Variants in ARHGEF10 observed in about 807,000 individuals in gnomAD.
ARHGEF10 encodes Rho guanine nucleotide exchange factor 10.
Under a neutral mutation model 147.4 loss-of-function variants are expected in ARHGEF10, and 140 were observed. The observed-to-expected ratio is 0.95, with a 90% confidence interval of 0.83 to 1.09. ARHGEF10 has a LOEUF of 1.09. Among genes scored for constraint, ARHGEF10 ranks in the 50% least tolerant of loss-of-function variants. The pLI, the probability that ARHGEF10 is intolerant of heterozygous loss-of-function variation, is 0.00. For missense variants in ARHGEF10, 2,222 were observed against 1,752.7 expected, an observed-to-expected ratio of 1.27 and a Z score of -4.78; for synonymous variants, 902 against 695.8, an observed-to-expected ratio of 1.30 and a Z score of -4.67.
Position 1,928,588 on chromosome 8 carries a change from C to T in ARHGEF10, c.2859C>T (p.Pro953=), listed in dbSNP as rs146061245. 7 of 1,614,096 alleles carry T rather than the reference C, an allele frequency of 4.3e-6. No individual in the cohort carries two copies. The highest frequency in any genetic ancestry group is 1.3e-5 in the African/African-American group (1 of 74,936). ...GAGAGCCTGGGGCACCCCCGGACCCCGAGACCCCGGCCGTGAGAGCTTCTG... is the reference window on the plus strand; with the variant it reads ...GAGAGCCTGGGGCACCCCCGGACCCTGAGACCCCGGCCGTGAGAGCTTCTG... The part of the protein sequence containing the change: ...KRREPGAPPD[P]ETPAVRASDV... The change falls in exon 24 of 29, where the codon CCC becomes CCT. Residue 953 remains proline, a synonymous_variant. Transcript: ENST00000349830.
intron 5 of ARHGEF10, among the ~76,000 whole-genome samples, chr8:1,865,697 G>A (rs1563199243): frequency 6.7e-6 from 1 of 148,488 alleles, no homozygotes; most frequent in Non-Finnish European, 1.5e-5. Flanking sequence ...TCATCGTGGG[G>A]TGCTCTGCAC....
In ARHGEF10 at chr8:1,957,037, G is replaced by C. The variant is rs1367954624; in HGVS notation, c.3809G>C (p.Ser1270Thr). ...TCCCTGAGCTTGTCTCACGGCTCCA[G>C]CTCTCTAGAGCACAGATCAGAGGAC... The part of the protein sequence containing the change: ...SGSLSLSHGS[S>T]SLEHRSEDST... Residue 1270 changes from serine (S) to threonine (T), a missense_variant, in exon 29 of 29, where the codon AGC becomes ACC. By Grantham distance (58) the Ser-to-Thr change is moderately conservative (BLOSUM62 1). Transcript: ENST00000349830. 5.0e-6 allele frequency: 8 copies of C among 1,613,924 alleles called. No homozygotes were observed. The highest frequency in any genetic ancestry group is 5.9e-6 in the Non-Finnish European group (7 of 1,180,038).
At chr8:1,839,087 GCTGT>G (rs1331680629) in intron 1 of ARHGEF10, among the ~76,000 whole-genome samples, 2 of 151,370 alleles carry the variant, frequency 1.3e-5, no homozygotes, top group Non-Finnish European at 2.9e-5. Context: ...TGGTGTGGAA[GCTGT>G]CTGGTGTGGG....
At chr8:1,921,553 C>G (rs979050547) in intron 18 of ARHGEF10, among the ~76,000 whole-genome samples, 3 of 152,098 alleles carry the variant, frequency 2.0e-5, no homozygotes, top group Admixed American at 2.0e-4. Context: ...CATGGTGAAC[C>G]CTCTACTAAA....
At chr8:1,915,949 C>T (rs143721041) in intron 18 of ARHGEF10, among the ~76,000 whole-genome samples, 157 of 152,312 alleles carry the variant, frequency 1.0e-3, no homozygotes, top group African/African-American at 3.4e-3. Context: ...TTCCAGAAAC[C>T]TTCTATTCAG....
At chr8:1,857,488 C>G (rs868749156) in intron 2 of ARHGEF10, among the ~76,000 whole-genome samples, 1 of 150,512 alleles carries the variant, frequency 6.6e-6, no homozygotes, top group Non-Finnish European at 1.5e-5. Flanking sequence ...GGTGCAATCT[C>G]GGTTCACTGC....
chr8:1,878,528 G>A (rs759265125), intron 8 of ARHGEF10, among the ~76,000 whole-genome samples: 2 of 152,122 alleles, frequency 1.3e-5, no homozygotes, highest in African/African-American at 4.8e-5. Context: ...GTGATATTTC[G>A]CTTGCTGTAG....
intron 15 of ARHGEF10, among the ~76,000 whole-genome samples, chr8:1,901,816 A>G (rs1001370776): frequency 2.0e-5 from 3 of 152,228 alleles, no homozygotes; most frequent in African/African-American, 7.2e-5. Context: ...ATAGGAAAAC[A>G]AATGTATAGA....
intron 15 of ARHGEF10, among the ~76,000 whole-genome samples, chr8:1,902,883 T>A (rs1441402858): frequency 2.0e-5 from 3 of 152,150 alleles, no homozygotes; most frequent in African/African-American, 7.2e-5. Flanking sequence ...CTCCTGCACA[T>A]TGGAAACTGG....
At chr8:1,878,783 T>A (rs1371998678) in intron 8 of ARHGEF10, among the ~76,000 whole-genome samples, 1 of 152,170 alleles carries the variant, frequency 6.6e-6, no homozygotes, top group African/African-American at 2.4e-5. Context: ...GAGGAGCCCT[T>A]GACTGTCTGG....
chr8:1,908,227 A>AGTTTTTTTT (rs1811058030), intron 17 of ARHGEF10, among the ~76,000 whole-genome samples: 1 of 110,078 alleles, frequency 9.1e-6, no homozygotes. Flanking sequence ...CCACACTTTG[A>AGTTTTTTTT]TTTTTTTTTT....
intron 15 of ARHGEF10, among the ~76,000 whole-genome samples, chr8:1,902,691 A>G (rs895346910): frequency 6.6e-6 from 1 of 152,006 alleles, no homozygotes; most frequent in African/African-American, 2.4e-5. Flanking sequence ...CCACAGTCGC[A>G]GGAGGGCGTA....
chr8:1,896,375 A>G lies in ARHGEF10; in HGVS notation c.1483A>G (p.Asn495Asp), dbSNP rs1809971307. ...MVLDAYSEYV[N>D]NFSTAVAVLK... is the part of the protein sequence containing the mutation. ...GCTGGATGCATACAGTGAATATGTGAACAATTTCAGCACAGCCGTGGCAGT... is the reference window on the plus strand; with the variant it reads ...GCTGGATGCATACAGTGAATATGTGGACAATTTCAGCACAGCCGTGGCAGT... The change falls in exon 14 of 29, where the codon AAC (asparagine) becomes GAC (aspartate). Residue 495 changes from asparagine to aspartate, a missense_variant. By Grantham distance (23) the Asn-to-Asp change is conservative. Transcript: ENST00000349830. The G allele has an allele frequency of 6.2e-7, 1 of 1,614,000 alleles. No homozygotes were observed. Among genetic ancestry groups the G allele is most frequent in the Non-Finnish European group, 8.5e-7 (1 of 1,180,036 alleles).
At chr8:1,932,902 A>C (rs1267354773) in intron 25 of ARHGEF10, among the ~76,000 whole-genome samples, 1 of 152,238 alleles carries the variant, frequency 6.6e-6, no homozygotes. Context: ...TTAATAATTT[A>C]GTTACACTTT....
chr8:1,926,391 T>C lies in ARHGEF10; in HGVS notation c.2625T>C (p.Ala875=). The C allele has an allele frequency of 6.2e-7, 1 of 1,614,074 alleles. No individual in the cohort carries two copies. Among genetic ancestry groups the C allele is most frequent in the Non-Finnish European group, 8.5e-7 (1 of 1,179,896 alleles). ...TTCCATTTTAGATTGAATGTGCTGC[T>C]TATAACCCTGAACCTTACCTAAATA... The part of the protein sequence containing the change: ...KQQEFKIECA[A]YNPEPYLNNE... Residue 875 remains alanine, a synonymous_variant, in exon 23 of 29, where the codon GCT becomes GCC. Coordinates refer to ENST00000349830, the MANE Select transcript of ARHGEF10 (RefSeq NM_014629.4).
In ARHGEF10 at chr8:1,896,460, T is replaced by C. The variant is rs977311189; in HGVS notation, c.1557+11T>C. 7.6e-6 allele frequency: 12 copies of C among 1,585,100 alleles called. No individual in the cohort carries two copies. Among genetic ancestry groups the C allele is most frequent in the South Asian group, 1.1e-5 (1 of 90,056 alleles). On this transcript the variant is annotated intron_variant, in intron 14 of 28. Transcript: ENST00000349830. ...CTTGAATTTTTAAAGGTAAGCGCTTTTTTTTTTCATTTGGGTTTTAACACC... is the reference window on the plus strand; with the variant it reads ...CTTGAATTTTTAAAGGTAAGCGCTTCTTTTTTTCATTTGGGTTTTAACACC...
At chr8:1,939,931 CA>C (rs1371307386) in intron 26 of ARHGEF10, among the ~76,000 whole-genome samples, 2 of 152,204 alleles carry the variant, frequency 1.3e-5, no homozygotes, top group East Asian at 3.9e-4. Context: ...AGCACTTTTG[CA>C]GCAGACGGTG....
chr8:1,863,841 G>A (rs1050336174), intron 4 of ARHGEF10, among the ~76,000 whole-genome samples: 5 of 151,956 alleles, frequency 3.3e-5, no homozygotes, highest in Non-Finnish European at 5.9e-5. Context: ...CGGACTGCGC[G>A]TGTATTTGCG....
chr8:1,887,370 A>G (rs1013008796), intron 11 of ARHGEF10, among the ~76,000 whole-genome samples: 1 of 152,224 alleles, frequency 6.6e-6, no homozygotes, highest in Non-Finnish European at 1.5e-5. Flanking sequence ...GCTGAAGACC[A>G]GTGGGCAGGA....
Sources: allele counts gnomAD v4.1 joint callset (sites outside exome capture counted in the v4.1 genomes callset), GRCh38; gene constraint gnomAD v4.1.1; transcripts MANE v1.5; gene names NCBI Gene and HGNC (gene_info 2026-07-23, HGNC 2026-07-21).